The following RPL35A variants were observed in gnomAD, a reference collection of about 807,000 sequenced individuals.
The protein encoded by RPL35A is large ribosomal subunit protein eL33.
A neutral mutation model predicts 16.7 loss-of-function variants in RPL35A; 1 was observed. The ratio of observed to expected loss-of-function variants is 0.06; its 90% confidence interval spans 0.02 to 0.28. The LOEUF (loss-of-function observed/expected upper bound fraction) is 0.28. RPL35A is among the 10% of genes least tolerant of loss of function. The probability of loss-of-function intolerance (pLI) is 1.00; values close to 1 mark genes in which losing one functional copy is unlikely to be tolerated. For synonymous variants in RPL35A, 58 were observed against 47.0 expected (o/e 1.23, Z -0.96); for missense variants, 91 against 138.7 (o/e 0.66, Z 1.73).
At chr3:197,951,034 C>A (rs755037563) in intron 2 of RPL35A, 56 bp downstream of exon 2, 8 of 1,601,778 alleles carry the variant, frequency 5.0e-6, no homozygotes, top group Non-Finnish European at 6.8e-6. Flanking sequence ...AACGTAAATG[C>A]GAGCTTAAAA....
At chr3:197,953,836 T>C (rs1302813603) in intron 3 of RPL35A, 167 bp from the exon 4 acceptor site, 1 of 696,470 alleles carries the variant, frequency 1.4e-6, no homozygotes, top group East Asian at 2.7e-5. Flanking sequence ...TGGCATACAA[T>C]AGTTACTCGA....
intron 1 of RPL35A, 174 bp downstream of exon 1, chr3:197,950,395 C>A: frequency 9.0e-7 from 1 of 1,114,428 alleles, no homozygotes; most frequent in Non-Finnish European, 1.1e-6. Context: ...GTGTTTGGTC[C>A]CCTGACACCC....
intron 1 of RPL35A, 139 bp downstream of exon 1, chr3:197,950,360 G>A (rs576466015): frequency 8.2e-7 from 1 of 1,219,654 alleles, no homozygotes. Context: ...AGGGAGAACA[G>A]GATGGAGGAG....
chr3:197,953,595 C>T (rs755574524), intron 3 of RPL35A: 19 of 458,224 alleles, frequency 4.1e-5, no homozygotes, highest in African/African-American at 1.8e-4. Context: ...GGCATTTCCC[C>T]TCCCTTTCCA....
In RPL35A at chr3:197,956,013, T is replaced by C. The variant is rs950230327; in HGVS notation, c.*240T>C. ...TGACAGAGTCTTGCTCTGTTGCCCA[T>C]GCTGGAGTGTAGTGGTGCTCGCTGC... is the stretch of plus-strand genomic sequence containing the variant. On this transcript the variant is annotated 3_prime_UTR_variant, in exon 5 of 5. Transcript: ENST00000647248. 2.7e-5 allele frequency: 14 copies of C among 510,938 alleles called. No individual in the cohort carries two copies. Among genetic ancestry groups the C allele is most frequent in the Non-Finnish European group, 4.6e-5 (13 of 280,860 alleles). The allele number at this position is 510,938 out of a possible 1,614,324, so 31.7% of individuals were successfully genotyped here.
In RPL35A at chr3:197,951,589, G is replaced by GCC. The variant is rs1305950759; in HGVS notation, c.164+278_164+279insCC. On this transcript the variant is annotated intron_variant, in intron 3 of 4. Transcript: ENST00000647248. ...GCTGGTCCCAAACTCCTGACCTTAGGTGATCCGCCCACCTCGGCCTCCCAA... is the reference window on the plus strand; with the variant it reads ...GCTGGTCCCAAACTCCTGACCTTAGGCCTGATCCGCCCACCTCGGCCTCCCAA... 10 of 421,800 alleles carry GCC rather than the reference G, an allele frequency of 2.4e-5. No homozygotes were observed. In the Admixed American group the frequency reaches 3.3e-4, roughly 14 times the overall value. 26.1% of individuals were successfully genotyped at this position (421,800 alleles called of 1,614,324 possible). A position where few individuals can be genotyped will look rare whatever the true frequency, so the allele number is the denominator to read the frequency against.
At chr3:197,952,323 C>T (rs1024721461) in intron 3 of RPL35A, among the ~76,000 whole-genome samples, 7 of 151,636 alleles carry the variant, frequency 4.6e-5, no homozygotes, top group African/African-American at 1.7e-4. Flanking sequence ...GCGGCCGCCA[C>T]CATGCCTGTC....
At chr3:197,950,651 G>A in intron 1 of RPL35A, 1 of 492,594 alleles carries the variant, frequency 2.0e-6, no homozygotes, top group African/African-American at 1.9e-5. Flanking sequence ...GTTGCCTACT[G>A]ATAACGGCAT....
chr3:197,950,448 T>G (rs1358112952), intron 1 of RPL35A: 4 of 600,212 alleles, frequency 6.7e-6, no homozygotes, highest in Non-Finnish European at 9.2e-6. Context: ...TTCCTGGGCC[T>G]GAACGGAGTG....
chr3:197,951,551 C>T, intron 3 of RPL35A: 1 of 480,766 alleles, frequency 2.1e-6, no homozygotes, highest in African/African-American at 2.0e-5. Flanking sequence ...CAGGGTATTG[C>T]CATGTTGGCC....
chr3:197,954,151 A>T lies in RPL35A; in HGVS notation c.309+4A>T, dbSNP rs1270507770. ...CATTGGACACAGAATCCGAGTGGTGAGTATGGTTTTTAGCAAAATGGACGT... is the reference window on the plus strand; with the variant it reads ...CATTGGACACAGAATCCGAGTGGTGTGTATGGTTTTTAGCAAAATGGACGT... On this transcript the variant is annotated splice_donor_region_variant and intron_variant, in intron 4 of 4. Transcript: ENST00000647248. The T allele has an allele frequency of 6.2e-7, 1 of 1,614,084 alleles. No individual in the cohort carries two copies. The highest frequency in any genetic ancestry group is 1.3e-5 in the African/African-American group (1 of 75,020).
chr3:197,952,836 CTT>C (rs113975470), intron 3 of RPL35A, among the ~76,000 whole-genome samples: 39 of 144,130 alleles, frequency 2.7e-4, no homozygotes, highest in African/African-American at 6.1e-4. Flanking sequence ...ATGCTGTAGA[CTT>C]TTTTTTTTTT....
intron 3 of RPL35A, 186 bp from the exon 4 acceptor site, chr3:197,953,817 A>G (rs1720317247): frequency 1.5e-6 from 1 of 651,944 alleles, no homozygotes; most frequent in African/African-American, 1.8e-5. Context: ...TGTATTTTAC[A>G]GAAGGGCCTG....
intron 2 of RPL35A, 87 bp from the exon 3 acceptor site, chr3:197,951,070 GCT>G (rs1720032184): frequency 1.2e-6 from 2 of 1,601,232 alleles, no homozygotes; most frequent in Non-Finnish European, 1.7e-6. Context: ...TTAGATGTTT[GCT>G]CTGAGTAACT....
chr3:197,955,594 G>A (rs1203506635), intron 4 of RPL35A, among the ~76,000 whole-genome samples, 156 bp from the exon 5 acceptor site: 1 of 152,052 alleles, frequency 6.6e-6, no homozygotes, highest in Non-Finnish European at 1.5e-5. Context: ...CGGTTCTTAC[G>A]GTATGTTCAC....
At chr3:197,950,831 A>G in intron 1 of RPL35A, 105 bp from the exon 2 acceptor site, 1 of 984,048 alleles carries the variant, frequency 1.0e-6, no homozygotes, top group Non-Finnish European at 1.6e-6. Context: ...CTCCTACATG[A>G]AACTCCCATC....
intron 4 of RPL35A, 41 bp from the exon 5 acceptor site, chr3:197,955,709 A>G (rs934787448): frequency 5.2e-6 from 8 of 1,528,072 alleles, no homozygotes; most frequent in African/African-American, 2.7e-5. Flanking sequence ...AGACGTATAT[A>G]TAACATTCAC....
chr3:197,955,513 A>AG (rs1438001767), intron 4 of RPL35A, among the ~76,000 whole-genome samples: 1 of 152,058 alleles, frequency 6.6e-6, no homozygotes, highest in Non-Finnish European at 1.5e-5. Context: ...CTGCCCGCCT[A>AG]GGCCTCCCAA....
chr3:197,952,423 C>T (rs1720185105), intron 3 of RPL35A: 1 of 152,216 alleles, frequency 6.6e-6, no homozygotes, highest in South Asian at 2.1e-4. Flanking sequence ...CCACCTCAGC[C>T]TCCCAAAGTG....
Sources: allele counts gnomAD v4.1 joint callset (sites outside exome capture counted in the v4.1 genomes callset), GRCh38; gene constraint gnomAD v4.1.1; transcripts MANE v1.5; gene names NCBI Gene and HGNC (gene_info 2026-07-23, HGNC 2026-07-21).